VDR: variants seen among roughly 807,000 people sequenced by gnomAD.
The protein encoded by VDR is vitamin D receptor.
VDR carries 19 observed loss-of-function variants against 39.7 expected under a neutral mutation model. The observed-to-expected ratio is 0.48, with a 90% CI of 0.33 to 0.70. The LOEUF is 0.70. Among genes scored for constraint, VDR ranks in the 30% least tolerant of loss-of-function variants. The pLI is 0.02. For synonymous variants in VDR, 242 were observed against 215.8 expected (o/e 1.12, Z -1.07); for missense variants, 442 against 570.5 (o/e 0.77, Z 2.29).
intron 3 of VDR, among the ~76,000 whole-genome samples, chr12:47,872,023 G>A (rs951498055): frequency 6.6e-6 from 1 of 152,224 alleles, no homozygotes; most frequent in Non-Finnish European, 1.5e-5. Context: ...TAAGAATTGG[G>A]TTGAATAGGT....
intron 3 of VDR, among the ~76,000 whole-genome samples, chr12:47,871,288 C>CTT (rs1555153468): frequency 7.6e-5 from 8 of 104,932 alleles, no homozygotes; most frequent in African/African-American, 2.5e-4. Flanking sequence ...CTTTCTTTCT[C>CTT]TTTCTCTTTC....
At chr12:47,888,640 G>A (rs531988334) in intron 1 of VDR, among the ~76,000 whole-genome samples, 4 of 152,258 alleles carry the variant, frequency 2.6e-5, no homozygotes, top group South Asian at 2.1e-4. Flanking sequence ...GAGAGTGGCC[G>A]GTGACGCATA....
Position 47,859,461 on chromosome 12 carries a change from C to T in VDR, c.278-1773G>A, listed in dbSNP as rs528235605. On this transcript the variant is annotated intron_variant, in intron 4 of 9. Transcript: ENST00000549336. ...CCTGGGAACATGACCTGCTCATGCT[C>T]GCCCCTGCATTTCCAGTTGTGCTAG... is the stretch of plus-strand genomic sequence containing the variant. 7.2e-5 allele frequency among the ~76,000 whole-genome samples: 11 copies of T among 152,286 alleles called. No homozygotes were observed. The South Asian group carries it at 1.0e-3, about 14-fold the overall frequency.
chr12:47,889,816 A>G (rs948358233), intron 1 of VDR, among the ~76,000 whole-genome samples: 6 of 152,194 alleles, frequency 3.9e-5, no homozygotes, highest in Non-Finnish European at 8.8e-5. Context: ...TCTGAAAACA[A>G]AAACAAAAAC....
chr12:47,895,988 G>A (rs921534647), intron 1 of VDR, among the ~76,000 whole-genome samples: 10 of 152,340 alleles, frequency 6.6e-5, no homozygotes, highest in Non-Finnish European at 1.2e-4. Flanking sequence ...CAGAGCTCAC[G>A]GTTAGAAGTG....
At chr12:47,857,087 C>T (rs1166415258) in intron 6 of VDR, 42 bp downstream of exon 6, 5 of 1,612,814 alleles carry the variant, frequency 3.1e-6, no homozygotes, top group Admixed American at 1.7e-5. Flanking sequence ...GGACTCCTCG[C>T]CCCCGCTCCC....
intron 2 of VDR, among the ~76,000 whole-genome samples, chr12:47,879,712 T>C (rs1028769956): frequency 3.9e-5 from 6 of 152,192 alleles, no homozygotes; most frequent in Non-Finnish European, 8.8e-5. Flanking sequence ...GCTAATAGGC[T>C]TATGCCCCTG....
rs1039808670 is a variant in VDR at position 47,844,363 on chromosome 12, T to C, written c.*383A>G. 2.8e-6 allele frequency: 1 copy of C among 355,524 alleles called. No individual in the cohort carries two copies. Among genetic ancestry groups the C allele is most frequent in the African/African-American group, 2.1e-5 (1 of 47,770 alleles). The allele number at this position is 355,524 out of a possible 1,614,324, so 22.0% of individuals were successfully genotyped here. Reference sequence around the variant, plus strand: ...AAGCGGGGCCTGCAGTGGGGGGAGGTGCAGGTGTCTCTGTCCCTGAGGAAT... The same window carrying C: ...AAGCGGGGCCTGCAGTGGGGGGAGGCGCAGGTGTCTCTGTCCCTGAGGAAT... On this transcript the variant is annotated 3_prime_UTR_variant, in exon 10 of 10. Transcript: ENST00000549336.
At chr12:47,897,508 G>A (rs573160032) in intron 1 of VDR, among the ~76,000 whole-genome samples, 53 of 152,342 alleles carry the variant, frequency 3.5e-4, no homozygotes, top group African/African-American at 1.2e-3. Context: ...TTACAAAGTT[G>A]AGAGCTGAGG....
chr12:47,853,847 G>A (rs1381189510), intron 7 of VDR, among the ~76,000 whole-genome samples: 1 of 152,022 alleles, frequency 6.6e-6, no homozygotes, highest in Non-Finnish European at 1.5e-5. Flanking sequence ...GCTTGAACCT[G>A]GAAGGCGGAG....
intron 1 of VDR, chr12:47,898,776 C>A (rs1234366621): frequency 6.4e-6 from 1 of 155,394 alleles, no homozygotes; most frequent in Non-Finnish European, 1.5e-5. Flanking sequence ...ACAGAGAACA[C>A]ACAGGTATGC....
chr12:47,892,669 C>G (rs1361241402), intron 1 of VDR, among the ~76,000 whole-genome samples: 1 of 151,746 alleles, frequency 6.6e-6, no homozygotes, highest in Non-Finnish European at 1.5e-5. Flanking sequence ...CAGTGGTGAG[C>G]AAGACATAGA....
At chr12:47,867,640 G>C (rs1199904874) in intron 3 of VDR, among the ~76,000 whole-genome samples, 5 of 152,196 alleles carry the variant, frequency 3.3e-5, no homozygotes, top group Non-Finnish European at 7.3e-5. Flanking sequence ...AGTTAGATGG[G>C]GAAAGATGGT....
chr12:47,845,188 A>T (rs1945256456), intron 9 of VDR, among the ~76,000 whole-genome samples, 183 bp from the exon 10 acceptor site: 1 of 151,474 alleles, frequency 6.6e-6, no homozygotes, highest in South Asian at 2.1e-4. Context: ...TTCTCCGTGC[A>T]TTTAGGATCC....
chr12:47,878,786 T>G, intron 3 of VDR, 182 bp downstream of exon 3: 1 of 933,550 alleles, frequency 1.1e-6, no homozygotes, highest in Non-Finnish European at 1.7e-6. Context: ...CATCTGGAGC[T>G]GAGAGGAGGG....
intron 3 of VDR, among the ~76,000 whole-genome samples, chr12:47,876,621 T>C (rs1284903241): frequency 1.3e-5 from 2 of 152,236 alleles, no homozygotes; most frequent in African/African-American, 4.8e-5. Flanking sequence ...GGTGGCATCA[T>C]GTGCCCACAA....
chr12:47,885,563 T>C (rs567451471), intron 1 of VDR, among the ~76,000 whole-genome samples: 1 of 152,368 alleles, frequency 6.6e-6, no homozygotes, highest in African/African-American at 2.4e-5. Context: ...CCACATTGAC[T>C]GGACCCTCCT....
intron 1 of VDR, among the ~76,000 whole-genome samples, chr12:47,888,136 C>T (rs954983377): frequency 3.3e-5 from 5 of 152,056 alleles, no homozygotes; most frequent in African/African-American, 9.7e-5. Flanking sequence ...CGGAAAAATA[C>T]GGAAGAAGCA....
intron 1 of VDR, among the ~76,000 whole-genome samples, chr12:47,893,349 T>A (rs1946405612): frequency 6.6e-6 from 1 of 152,104 alleles, no homozygotes; most frequent in Admixed American, 6.5e-5. Context: ...ACAAAGCCAC[T>A]GTCCCCCACA....
Sources: gnomAD v4.1 joint callset for allele counts (sites outside exome capture counted in the v4.1 genomes callset) on GRCh38, gnomAD v4.1.1 for gene constraint, MANE v1.5 for transcripts, NCBI Gene and HGNC (gene_info 2026-07-23, HGNC 2026-07-21) for gene names.